The following MTUS2 variants were observed in gnomAD, a reference collection of about 807,000 sequenced individuals.
The protein encoded by MTUS2 is microtubule-associated tumor suppressor candidate 2.
A neutral mutation model predicts 114.1 loss-of-function variants in MTUS2; 40 were observed. The observed-to-expected ratio is 0.35, with a 90% CI of 0.27 to 0.46. The LOEUF (loss-of-function observed/expected upper bound fraction) is 0.46. Ranked by LOEUF, MTUS2 falls within the 20% of genes least tolerant of loss-of-function variation. The pLI is 1.00. For synonymous variants in MTUS2, 688 were observed against 672.0 expected, an observed-to-expected ratio of 1.02 and a Z score of -0.37; for missense variants, 1,679 against 1,705.4, an observed-to-expected ratio of 0.98 and a Z score of 0.27.
At chr13:29,276,501 C>T (rs182216939) in intron 5 of MTUS2, among the ~76,000 whole-genome samples, 1 of 152,130 alleles carries the variant, frequency 6.6e-6, no homozygotes, top group African/African-American at 2.4e-5. Context: ...TACCTTCATC[C>T]TTTGGGGAAA....
At chr13:29,448,134 T>G (rs1878421833) in intron 9 of MTUS2, among the ~76,000 whole-genome samples, 1 of 152,158 alleles carries the variant, frequency 6.6e-6, no homozygotes, top group South Asian at 2.1e-4. Context: ...TGTGACTGCC[T>G]TATTAGAAAA....
intron 8 of MTUS2, among the ~76,000 whole-genome samples, chr13:29,432,010 ATTTTTT>A (rs57182093): frequency 6.2e-5 from 5 of 81,060 alleles, no homozygotes; most frequent in Admixed American, 4.4e-4. Context: ...ACGCTCAGCT[ATTTTTT>A]TTTTTTTTTT....
chr13:29,035,376 T>G (rs1001688689), intron 4 of MTUS2, among the ~76,000 whole-genome samples: 1 of 152,098 alleles, frequency 6.6e-6, no homozygotes, highest in African/African-American at 2.4e-5. Flanking sequence ...TCTGGGACAA[T>G]GAGAGGTTCT....
intron 4 of MTUS2, among the ~76,000 whole-genome samples, chr13:29,076,041 G>A (rs1337471169): frequency 6.6e-6 from 1 of 152,146 alleles, no homozygotes; most frequent in East Asian, 1.9e-4. Flanking sequence ...AAGTTCATAA[G>A]TTACAATCTA....
intron 7 of MTUS2, among the ~76,000 whole-genome samples, chr13:29,336,053 T>C (rs1566138461): frequency 6.6e-6 from 1 of 152,334 alleles, no homozygotes; most frequent in East Asian, 1.9e-4. Context: ...TATGTTCTTC[T>C]CTAAACTGGT....
intron 2 of MTUS2, among the ~76,000 whole-genome samples, chr13:28,881,026 C>T (rs868451636): frequency 9.9e-5 from 15 of 152,208 alleles, no homozygotes; most frequent in African/African-American, 2.9e-4. Flanking sequence ...GGGTTTGTTA[C>T]GTGGATATAC....
intron 2 of MTUS2, among the ~76,000 whole-genome samples, chr13:28,841,524 CAT>C (rs1465108553): frequency 6.6e-5 from 10 of 152,142 alleles, no homozygotes; most frequent in Admixed American, 1.3e-4. Context: ...GAAGAGATGA[CAT>C]GTGGAAAAGA....
intron 2 of MTUS2, among the ~76,000 whole-genome samples, chr13:28,995,463 G>A (rs550701111): frequency 1.3e-5 from 2 of 152,238 alleles, no homozygotes; most frequent in South Asian, 2.1e-4. Context: ...TGATGGGGAT[G>A]GCATTGAATC....
rs1261055218 is a variant in MTUS2 at position 29,300,349 on chromosome 13, T to C, written c.2806+18484T>C. On this transcript the variant is annotated intron_variant, in intron 6 of 15. Transcript: ENST00000612955. Reference sequence around the variant, plus strand: ...GCATATACACATATTGTATTTAAAATGTTGCACACCTGGTATTTTGCCCAC... The same window carrying C: ...GCATATACACATATTGTATTTAAAACGTTGCACACCTGGTATTTTGCCCAC... 5.3e-5 allele frequency among the ~76,000 whole-genome samples: 8 copies of C among 152,310 alleles called. No individual in the cohort carries two copies. In the East Asian group the frequency reaches 1.5e-3, roughly 29 times the overall value.
chr13:28,918,173 A>G (rs1302634201), intron 2 of MTUS2, among the ~76,000 whole-genome samples: 1 of 151,988 alleles, frequency 6.6e-6, no homozygotes, highest in African/African-American at 2.4e-5. Flanking sequence ...AATGTTTTGT[A>G]CATATCTGTT....
intron 2 of MTUS2, among the ~76,000 whole-genome samples, chr13:28,997,301 T>C (rs1473085042): frequency 6.6e-6 from 1 of 152,046 alleles, no homozygotes; most frequent in East Asian, 1.9e-4. Context: ...TGCTGAGGAG[T>C]GCTTTACTTC....
chr13:28,989,351 G>A (rs770468473), intron 2 of MTUS2, among the ~76,000 whole-genome samples: 1 of 152,128 alleles, frequency 6.6e-6, no homozygotes, highest in East Asian at 1.9e-4. Flanking sequence ...CACCTTTTTC[G>A]ATAAGGGATA....
chr13:29,009,431 TC>T (rs1885743356), intron 2 of MTUS2, among the ~76,000 whole-genome samples: 1 of 151,956 alleles, frequency 6.6e-6, no homozygotes. Flanking sequence ...TATAATATAA[TC>T]TAGGTTTATC....
chr13:29,091,660 G>C (rs1889957916), intron 4 of MTUS2, among the ~76,000 whole-genome samples: 2 of 152,134 alleles, frequency 1.3e-5, no homozygotes, highest in Admixed American at 6.5e-5. Context: ...CTTGAGCCTA[G>C]CATAAGTCAC....
At position 29,504,115 on chromosome 13, in the gene MTUS2, GT is replaced by G; in HGVS notation, c.*910del. ...AAACATGGCAGAGCATGACCTTTGA[GT>G]AAGAGTGAGGATGACCTTGCAGATG... On this transcript the variant is annotated 3_prime_UTR_variant, in exon 16 of 16. Transcript: ENST00000612955. 4.3e-6 allele frequency: 1 copy of G among 232,016 alleles called. No individual in the cohort carries two copies. The highest frequency in any genetic ancestry group is 8.5e-6 in the Non-Finnish European group (1 of 117,270). 14.4% of individuals were successfully genotyped at this position (232,016 alleles called of 1,614,324 possible).
At chr13:28,915,717 G>T (rs1280940225) in intron 2 of MTUS2, among the ~76,000 whole-genome samples, 1 of 151,770 alleles carries the variant, frequency 6.6e-6, no homozygotes, top group African/African-American at 2.4e-5. Flanking sequence ...CAGATGGGTG[G>T]TTTACACATA....
At chr13:28,918,471 T>G (rs1010295975) in intron 2 of MTUS2, among the ~76,000 whole-genome samples, 26 of 152,008 alleles carry the variant, frequency 1.7e-4, no homozygotes, top group Non-Finnish European at 3.4e-4. Context: ...TTTATCTGAT[T>G]TACTGGCTCT....
At chr13:29,287,083 A>G (rs760176288) in intron 6 of MTUS2, among the ~76,000 whole-genome samples, 3 of 152,258 alleles carry the variant, frequency 2.0e-5, no homozygotes, top group Non-Finnish European at 4.4e-5. Flanking sequence ...AGAGGTAGGC[A>G]GGGAAATTAT....
intron 2 of MTUS2, among the ~76,000 whole-genome samples, chr13:28,937,331 A>T (rs1227492369): frequency 2.0e-5 from 3 of 151,178 alleles, no homozygotes; most frequent in Non-Finnish European, 4.4e-5. Flanking sequence ...CACACTGTAA[A>T]ATGGACCAAT....
Sources: gnomAD v4.1 joint callset for allele counts (sites outside exome capture counted in the v4.1 genomes callset) on GRCh38, gnomAD v4.1.1 for gene constraint, MANE v1.5 for transcripts, NCBI Gene and HGNC (gene_info 2026-07-23, HGNC 2026-07-21) for gene names.